Variants in CFAP47 observed in about 807,000 individuals in gnomAD.
CFAP47 encodes cilia and flagella associated protein 47, also known as cilia- and flagella-associated protein 47.
In CFAP47, 29 loss-of-function variants were observed where a neutral mutation model predicts 148.1. The ratio of observed to expected loss-of-function variants is 0.20; its 90% CI spans 0.15 to 0.27. The LOEUF (loss-of-function observed/expected upper bound fraction) is 0.27, where lower values mean the gene tolerates loss of function less well. CFAP47 is among the 10% of genes least tolerant of loss of function. The pLI is 1.00. For missense variants in CFAP47, 1,872 were observed against 1,697.5 expected (o/e 1.10, Z -1.81); for synonymous variants, 664 against 577.3 (o/e 1.15, Z -2.15).
chrX:36,269,843 C>T (rs1195302409), intron 49 of CFAP47, among the ~76,000 whole-genome samples: 3 of 111,790 alleles, frequency 2.7e-5, no homozygotes, highest in African/African-American at 6.5e-5. Flanking sequence ...TTGCCTTAGG[C>T]AACCAGTTAC....
chrX:36,311,265 G>C (rs960225042), intron 56 of CFAP47, among the ~76,000 whole-genome samples: 2 of 110,508 alleles, frequency 1.8e-5, no homozygotes, highest in Admixed American at 9.7e-5. Flanking sequence ...AGATTTGTAA[G>C]ATTCTTATGA....
chrX:36,014,329 G>A (rs1357200485), intron 21 of CFAP47, among the ~76,000 whole-genome samples: 3 of 111,319 alleles, frequency 2.7e-5, no homozygotes, highest in Non-Finnish European at 5.7e-5. Flanking sequence ...TGAGAAATGG[G>A]TTTTTGACTT....
chrX:36,002,283 C>T (rs761850133), intron 21 of CFAP47, among the ~76,000 whole-genome samples: 6 of 111,258 alleles, frequency 5.4e-5, no homozygotes, highest in African/African-American at 9.8e-5. Flanking sequence ...AAGTGCCCAA[C>T]GAGAGAGCTT....
At chrX:36,080,092 C>G (rs1446571674) in intron 29 of CFAP47, among the ~76,000 whole-genome samples, 1 of 111,210 alleles carries the variant, frequency 9.0e-6, no homozygotes, top group East Asian at 2.8e-4. Flanking sequence ...AGAAAAAAAT[C>G]AAACAACCCC....
At chrX:35,988,450 A>T (rs943747409) in intron 15 of CFAP47, among the ~76,000 whole-genome samples, 5 of 111,628 alleles carry the variant, frequency 4.5e-5, no homozygotes, top group African/African-American at 1.6e-4. Flanking sequence ...ATCATACACT[A>T]TGTTACTCCC....
chrX:36,033,581 T>C (rs1196214269), intron 23 of CFAP47, among the ~76,000 whole-genome samples: 1 of 111,590 alleles, frequency 9.0e-6, no homozygotes, highest in Admixed American at 9.6e-5. Flanking sequence ...AACATGTTGT[T>C]TTCTTTAGAA....
chrX:36,135,519 G>A (rs1383193077), intron 33 of CFAP47, among the ~76,000 whole-genome samples: 5 of 111,493 alleles, frequency 4.5e-5, no homozygotes, highest in Admixed American at 9.6e-5. Context: ...ATTTCACTAA[G>A]TAAAAGAAGC....
At chrX:36,244,953 A>T (rs5973621) in intron 48 of CFAP47, among the ~76,000 whole-genome samples, 4,836 of 111,392 alleles carry the variant, frequency 0.043, 306 homozygotes, top group African/African-American at 0.15. Context: ...ACACACAAAA[A>T]TCCTCAAAAA....
chrX:35,922,182 AC>A (rs1461435632), intron 1 of CFAP47, among the ~76,000 whole-genome samples: 1 of 110,582 alleles, frequency 9.0e-6, no homozygotes, highest in African/African-American at 3.3e-5. Flanking sequence ...ACATTTTCAT[AC>A]CCTGTCATCT....
chrX:36,123,746 G>A (rs766114797), intron 33 of CFAP47, among the ~76,000 whole-genome samples: 1 of 111,320 alleles, frequency 9.0e-6, no homozygotes, highest in African/African-American at 3.3e-5. Flanking sequence ...TTCTGGAATC[G>A]GGGACTCCAG....
intron 27 of CFAP47, among the ~76,000 whole-genome samples, chrX:36,066,834 C>A (rs1937647145): frequency 1.8e-5 from 2 of 111,520 alleles, no homozygotes; most frequent in Admixed American, 9.5e-5. Flanking sequence ...CTTTCCAAAT[C>A]TAACAGTAAA....
chrX:36,267,889 A>G (rs782478117), intron 49 of CFAP47, among the ~76,000 whole-genome samples: 54 of 112,382 alleles, frequency 4.8e-4, no homozygotes, highest in Non-Finnish European at 9.2e-4. Flanking sequence ...TCCTTTGGAC[A>G]TTTTTCTTTT....
chrX:36,311,381 G>A (rs1941393009), intron 56 of CFAP47, among the ~76,000 whole-genome samples: 1 of 110,626 alleles, frequency 9.0e-6, no homozygotes, highest in African/African-American at 3.3e-5. Context: ...CAACATATTT[G>A]GAATAAATTG....
chrX:35,924,041 GTGTATA>G (rs1569201077), intron 1 of CFAP47, among the ~76,000 whole-genome samples: 1 of 94,024 alleles, frequency 1.1e-5, no homozygotes, highest in African/African-American at 4.6e-5. Flanking sequence ...GCACATATAT[GTGTATA>G]TGTACATGTA....
intron 49 of CFAP47, among the ~76,000 whole-genome samples, chrX:36,261,320 CTTTTTTTTTTTTTTT>C (rs143068749): frequency 4.9e-5 from 1 of 20,469 alleles, no homozygotes; most frequent in Non-Finnish European, 8.3e-5. Flanking sequence ...AGATACTATT[CTTTTTTTTTTTTTTT>C]TTTTTTTTTC....
intron 45 of CFAP47, among the ~76,000 whole-genome samples, chrX:36,208,071 T>A (rs73197181): frequency 0.058 from 6,480 of 111,379 alleles, 163 homozygotes; most frequent in Middle Eastern, 0.13. Flanking sequence ...GAAATTAGAT[T>A]AATTCAAAAT....
At chrX:36,163,700 C>T (rs1407677309) in intron 39 of CFAP47, among the ~76,000 whole-genome samples, 1 of 110,970 alleles carries the variant, frequency 9.0e-6, no homozygotes, top group Non-Finnish European at 1.9e-5. Flanking sequence ...ACGTCTGCCT[C>T]CCGGTTTCAA....
chrX:36,215,134 T>A (rs1555990023), intron 45 of CFAP47, among the ~76,000 whole-genome samples: 1 of 111,256 alleles, frequency 9.0e-6, no homozygotes, highest in Non-Finnish European at 1.9e-5. Context: ...GTAGGAATTC[T>A]TCATCTCCAT....
intron 13 of CFAP47, among the ~76,000 whole-genome samples, chrX:35,974,841 G>T (rs968184355): frequency 4.5e-5 from 5 of 110,923 alleles, no homozygotes; most frequent in African/African-American, 1.6e-4. Context: ...AATAGAGGAG[G>T]TGTTGAAGTG....
Sources: gnomAD v4.1 joint callset for allele counts (sites outside exome capture counted in the v4.1 genomes callset) on GRCh38, gnomAD v4.1.1 for gene constraint, MANE v1.5 for transcripts, NCBI Gene and HGNC (gene_info 2026-07-23, HGNC 2026-07-21) for gene names.